Variants in SLIT2 observed in about 807,000 individuals in gnomAD.
SLIT2 encodes slit homolog 2 protein.
A neutral mutation model predicts 185.7 loss-of-function variants in SLIT2; 41 were observed. That is an observed-to-expected ratio of 0.22 (90% CI 0.17 to 0.29). The LOEUF (loss-of-function observed/expected upper bound fraction) is 0.29. SLIT2 is among the 10% of genes least tolerant of loss of function. The pLI, the probability that SLIT2 is intolerant of heterozygous loss-of-function variation, is 1.00. For missense variants in SLIT2, 1,571 were observed against 1,909.0 expected (o/e 0.82, Z 3.30); for synonymous variants, 693 against 680.2 (o/e 1.02, Z -0.29).
chr4:20,268,749 C>G, intron 3 of SLIT2, 61 bp from the exon 4 acceptor site: 2 of 1,013,162 alleles, frequency 2.0e-6, no homozygotes, highest in Non-Finnish European at 3.2e-6. Flanking sequence ...ACTACCAAAT[C>G]ACAGTCTCAT....
chr4:20,485,060 A>G (rs1210014893), intron 6 of SLIT2, among the ~76,000 whole-genome samples: 3 of 151,714 alleles, frequency 2.0e-5, no homozygotes, highest in African/African-American at 2.4e-5. Context: ...TCTTTCTCCT[A>G]CCTCCTTCAG....
chr4:20,603,471 T>C (rs1011123741), intron 33 of SLIT2, among the ~76,000 whole-genome samples: 1 of 152,208 alleles, frequency 6.6e-6, no homozygotes, highest in African/African-American at 2.4e-5. Context: ...TATTCTCAAG[T>C]AGGCTAATAA....
At position 20,308,056 on chromosome 4, in the gene SLIT2, A is replaced by C. The variant is rs142027239; in HGVS notation, c.395+39175A>C. On this transcript the variant is annotated intron_variant, in intron 4 of 36. Coordinates refer to ENST00000504154, the MANE Select transcript of SLIT2 (RefSeq NM_004787.4). The stretch of plus-strand genomic sequence containing the variant: ...TTAATTATTATGATTTTTAGTGATA[A>C]GTGCTTTAAAAATGTCCTATGGCTA... Among the ~76,000 whole-genome samples the C allele has an allele frequency of 2.0e-5, 3 of 152,308 alleles. No homozygotes were observed. In the East Asian group the frequency reaches 5.8e-4, roughly 29 times the overall value.
chr4:20,446,963 A>G (rs758284813), intron 4 of SLIT2, among the ~76,000 whole-genome samples: 1 of 152,222 alleles, frequency 6.6e-6, no homozygotes, highest in Non-Finnish European at 1.5e-5. Context: ...TTTTCACTGA[A>G]CAAAGGCAGC....
intron 4 of SLIT2, among the ~76,000 whole-genome samples, chr4:20,341,786 C>T (rs1720983838): frequency 6.6e-6 from 1 of 152,152 alleles, no homozygotes; most frequent in Admixed American, 6.5e-5. Flanking sequence ...ACACTTAATA[C>T]TAGAAATAAT....
Position 20,589,638 on chromosome 4 carries a change from T to C in SLIT2, c.3089-6T>C. ...CTATGAGCTAACACTGTTTGCCCTGTTGCAGGTGAGTTGTGTGAGGAGAAG... is the reference window on the plus strand; with the variant it reads ...CTATGAGCTAACACTGTTTGCCCTGCTGCAGGTGAGTTGTGTGAGGAGAAG... On this transcript the variant is annotated splice_polypyrimidine_tract_variant and splice_region_variant and intron_variant, in intron 29 of 36. Coordinates refer to ENST00000504154, the MANE Select transcript of SLIT2 (RefSeq NM_004787.4). 4 of 1,612,538 alleles carry C rather than the reference T, an allele frequency of 2.5e-6. No homozygotes were observed. The African/African-American group carries it at 5.3e-5, about 21-fold the overall frequency.
chr4:20,440,879 A>T (rs974260156), intron 4 of SLIT2, among the ~76,000 whole-genome samples: 1 of 152,184 alleles, frequency 6.6e-6, no homozygotes, highest in Non-Finnish European at 1.5e-5. Flanking sequence ...TTGAGGAGTC[A>T]TCGTACCCAA....
chr4:20,347,748 A>G (rs142138958), intron 4 of SLIT2, among the ~76,000 whole-genome samples: 44 of 152,366 alleles, frequency 2.9e-4, no homozygotes, highest in African/African-American at 1.1e-3. Context: ...TGAAGCAGAT[A>G]TGATACCCTT....
chr4:20,511,587 A>ATTTTTTTTTTTTTTTTTTTTTTTTTTTT lies in SLIT2; in HGVS notation c.1058+466_1058+467insTTTTTTTTTTTTTTTTTTTTTTTTTTTT, dbSNP rs759622666. ...AGGCGCCTGCCACCACATCCAGCTA[A>ATTTTTTTTTTTTTTTTTTTTTTTTTTTT]TTTTTTTTTTTTTTTTATTTTTGGT... On this transcript the variant is annotated intron_variant, in intron 11 of 36. Transcript: ENST00000504154. Among the ~76,000 whole-genome samples the ATTTTTTTTTTTTTTTTTTTTTTTTTTTT allele has an allele frequency of 3.6e-5, 3 of 82,208 alleles. 1 individual carries two copies. Among genetic ancestry groups the ATTTTTTTTTTTTTTTTTTTTTTTTTTTT allele is most frequent in the East Asian group, 9.0e-4 (2 of 2,222 alleles). 53.9% of individuals were successfully genotyped at this position (82,208 alleles called of 152,430 possible).
At chr4:20,357,595 A>G (rs1022382739) in intron 4 of SLIT2, among the ~76,000 whole-genome samples, 1 of 152,114 alleles carries the variant, frequency 6.6e-6, no homozygotes, top group African/African-American at 2.4e-5. Flanking sequence ...AAAAAGTGGT[A>G]GTAGGTAGTA....
chr4:20,285,614 T>C (rs2109066495), intron 4 of SLIT2, among the ~76,000 whole-genome samples: 1 of 152,280 alleles, frequency 6.6e-6, no homozygotes, highest in African/African-American at 2.4e-5. Flanking sequence ...AGTGGTGTGA[T>C]CTCAGCTCAC....
intron 3 of SLIT2, among the ~76,000 whole-genome samples, chr4:20,263,312 T>C (rs1229581717): frequency 1.4e-5 from 2 of 140,954 alleles, no homozygotes; most frequent in Non-Finnish European, 3.3e-5. Flanking sequence ...AATAGGGCTG[T>C]GATTTGATCT....
intron 5 of SLIT2, among the ~76,000 whole-genome samples, chr4:20,476,784 A>T (rs907498490): frequency 7.9e-5 from 12 of 152,206 alleles, no homozygotes; most frequent in African/African-American, 2.9e-4. Context: ...TAAAAGAATA[A>T]AGCAGGAAAT....
Position 20,546,017 on chromosome 4 carries a change from T to A in SLIT2, c.2277-14T>A, listed in dbSNP as rs745625902. ...TTACTTTGTAAGAAGATAATATTGT[T>A]CCATTGTTTTTAGGTATCTGGATGG... On this transcript the variant is annotated splice_polypyrimidine_tract_variant and intron_variant, in intron 21 of 36. Transcript: ENST00000504154. 27 of 1,444,838 alleles carry A rather than the reference T, an allele frequency of 1.9e-5. No homozygotes were observed. Among genetic ancestry groups the A allele is most frequent in the Non-Finnish European group, 2.4e-5 (25 of 1,036,076 alleles). The allele number at this position is 1,444,838 out of a possible 1,614,324, so 89.5% of individuals were successfully genotyped here. A position where few individuals can be genotyped will look rare whatever the true frequency, so the allele number is the denominator to read the frequency against.
chr4:20,418,391 A>T (rs1353591854), intron 4 of SLIT2, among the ~76,000 whole-genome samples: 2 of 152,206 alleles, frequency 1.3e-5, no homozygotes, highest in Non-Finnish European at 2.9e-5. Flanking sequence ...GAAGGTATCT[A>T]TGTAAGGTCC....
chr4:20,293,499 G>A (rs1560290721), intron 4 of SLIT2, among the ~76,000 whole-genome samples: 1 of 152,210 alleles, frequency 6.6e-6, no homozygotes, highest in South Asian at 2.1e-4. Flanking sequence ...ATGAGAGCTG[G>A]TTCCCTCAGC....
intron 6 of SLIT2, among the ~76,000 whole-genome samples, chr4:20,485,143 T>C (rs1309125143): frequency 6.6e-6 from 1 of 152,150 alleles, no homozygotes; most frequent in African/African-American, 2.4e-5. Context: ...TTGCTTTCCA[T>C]GTCTACACTT....
In SLIT2 at chr4:20,256,757, CTG is replaced by C; in HGVS notation, c.251+16_251+17del. On this transcript the variant is annotated intron_variant, in intron 2 of 36. Transcript: ENST00000504154. The stretch of plus-strand genomic sequence containing the variant: ...TCTAAGAGTTCTGTAAGTGCATCCT[CTG>C]TATTTTTAAATAATTTTTTAAGGTT... 1 of 1,332,722 alleles carries C rather than the reference CTG, an allele frequency of 7.5e-7. No individual in the cohort carries two copies. Among genetic ancestry groups the C allele is most frequent in the Non-Finnish European group, 1.1e-6 (1 of 951,666 alleles). 82.6% of individuals were successfully genotyped at this position (1,332,722 alleles called of 1,614,324 possible). A position where few individuals can be genotyped will look rare whatever the true frequency, so the allele number is the denominator to read the frequency against.
At chr4:20,397,748 A>G (rs1726020573) in intron 4 of SLIT2, among the ~76,000 whole-genome samples, 2 of 151,814 alleles carry the variant, frequency 1.3e-5, no homozygotes, top group Non-Finnish European at 2.9e-5. Flanking sequence ...ATTTACAGAA[A>G]AATAGAACAG....
Sources: gnomAD v4.1 joint callset for allele counts (sites outside exome capture counted in the v4.1 genomes callset) on GRCh38, gnomAD v4.1.1 for gene constraint, MANE v1.5 for transcripts, NCBI Gene and HGNC (gene_info 2026-07-23, HGNC 2026-07-21) for gene names.